Variants in LIPN observed in about 807,000 individuals in gnomAD.
LIPN encodes the protein lipase member N.
Under a neutral mutation model 43.7 loss-of-function variants are expected in LIPN, and 32 were observed. That is an observed-to-expected ratio of 0.73 (90% CI 0.55 to 0.98). The LOEUF (loss-of-function observed/expected upper bound fraction) is 0.98. Among genes scored for constraint, LIPN ranks in the 50% least tolerant of loss-of-function variants. LIPN has a pLI of 0.00. For synonymous variants in LIPN, 156 were observed against 157.6 expected (o/e 0.99, Z 0.08); for missense variants, 505 against 483.8 (o/e 1.04, Z -0.41).
chr10:88,758,612 C>G (rs2604963), upstream of LIPN, among the ~76,000 whole-genome samples: 1 of 148,670 alleles, frequency 6.7e-6, no homozygotes, highest in African/African-American at 2.5e-5. Flanking sequence ...ATATATAATA[C>G]TCAGTAATAT....
intron 7 of LIPN, among the ~76,000 whole-genome samples, chr10:88,771,587 A>G (rs1843210387): frequency 6.6e-6 from 1 of 151,832 alleles, no homozygotes; most frequent in South Asian, 2.1e-4. Context: ...ATTGCAAATG[A>G]CATGATTTCA....
chr10:88,771,526 T>G (rs1423545193), intron 7 of LIPN, among the ~76,000 whole-genome samples: 1 of 151,912 alleles, frequency 6.6e-6, no homozygotes, highest in Admixed American at 6.6e-5. Flanking sequence ...TTTGTCTTTT[T>G]GTGCCTGGCT....
At chr10:88,769,417 C>G (rs1330536397) in intron 6 of LIPN, 1 of 169,130 alleles carries the variant, frequency 5.9e-6, no homozygotes, top group East Asian at 1.9e-4. Flanking sequence ...TGTATTACAG[C>G]TCAAGTATTA....
chr10:88,775,158 A>C lies in LIPN; in HGVS notation c.958A>C (p.Asn320His). Residue 320 changes from asparagine to histidine, a missense_variant, in exon 9 of 10, where the codon AAT becomes CAT. By Grantham distance (68) the Asn-to-His change is moderately conservative. Coordinates refer to ENST00000404459, the MANE Select transcript of LIPN (RefSeq NM_001102469.2). ...TGACGCTGATAATATGAAACATTAC[A>C]ATCAGGTGAGCTATTTACAGTAACC... The part of the protein sequence containing the change: ...GNDADNMKHY[N>H]QSHPPIYDLT... The C allele has an allele frequency of 1.3e-6, 2 of 1,540,412 alleles. No individual in the cohort carries two copies. Among genetic ancestry groups the C allele is most frequent in the Non-Finnish European group, 1.8e-6 (2 of 1,138,600 alleles).
intron 6 of LIPN, 69 bp downstream of exon 6, chr10:88,768,997 T>A (rs1843160038): frequency 1.4e-6 from 2 of 1,442,616 alleles, no homozygotes; most frequent in African/African-American, 2.9e-5. Flanking sequence ...TATTTTCAAA[T>A]CTACTGTAAA....
At chr10:88,761,718 GCTATCTATCTATCTATCTAT>G (rs71022539) in intron 2 of LIPN, among the ~76,000 whole-genome samples, 27 of 145,874 alleles carry the variant, frequency 1.9e-4, no homozygotes, top group Non-Finnish European at 3.3e-4. Flanking sequence ...GTGCTATTGT[GCTATCTATCTATCTATCTAT>G]CTATCTATCT....
intron 3 of LIPN, 130 bp downstream of exon 3, chr10:88,762,435 G>A (rs1216578464): frequency 2.0e-5 from 13 of 636,240 alleles, no homozygotes; most frequent in Non-Finnish European, 3.7e-5. Flanking sequence ...TCTTTAAATA[G>A]TTATCAGGGA....
At position 88,778,890 on chromosome 10, in the gene LIPN, C is replaced by T. The variant is rs939827679; in HGVS notation, c.*648C>T. ...CTTATTAAAGCAGAAATAAATTGTA[C>T]AGCATCAATATCATTTTATAATCAT... On this transcript the variant is annotated 3_prime_UTR_variant, in exon 10 of 10. Coordinates refer to ENST00000404459, the MANE Select transcript of LIPN (RefSeq NM_001102469.2). Among the ~76,000 whole-genome samples, 1 of 152,118 alleles carries T rather than the reference C, an allele frequency of 6.6e-6. No individual in the cohort carries two copies.
chr10:88,777,716 T>C (rs1481423557), intron 9 of LIPN, among the ~76,000 whole-genome samples: 1 of 151,382 alleles, frequency 6.6e-6, no homozygotes, highest in Non-Finnish European at 1.5e-5. Context: ...TCAAGAGTCA[T>C]TTCACAGGAC....
At position 88,762,211 on chromosome 10, in the gene LIPN, C is replaced by T; in HGVS notation, c.132C>T (p.Gly44=). Reference sequence around the variant, plus strand: ...AGAGTGAAATCATCATCTACAATGGCTACCCCAGTGAAGAGTATGAAGTCA... The same window carrying T: ...AGAGTGAAATCATCATCTACAATGGTTACCCCAGTGAAGAGTATGAAGTCA... ...MNTSEIIIYN[G]YPSEEYEVTT... is the part of the protein sequence containing the mutation. Residue 44 remains glycine (G), a synonymous_variant, in exon 3 of 10, where the codon GGC becomes GGT. Coordinates refer to ENST00000404459, the MANE Select transcript of LIPN (RefSeq NM_001102469.2). The T allele has an allele frequency of 1.2e-6, 2 of 1,601,502 alleles. No homozygotes were observed. The highest frequency in any genetic ancestry group is 1.7e-5 in the Admixed American group (1 of 59,268).
intron 9 of LIPN, among the ~76,000 whole-genome samples, chr10:88,776,808 A>G (rs375445399): frequency 2.6e-5 from 4 of 152,086 alleles, no homozygotes; most frequent in African/African-American, 4.8e-5. Flanking sequence ...AAATGTCTCT[A>G]TCTTCTTGAT....
In LIPN at chr10:88,774,543, A is replaced by G; in HGVS notation, c.890A>G (p.Gln297Arg). Residue 297 changes from glutamine to arginine, a missense_variant and splice_region_variant, in exon 8 of 10, where the codon CAG becomes CGG. Coordinates refer to ENST00000404459, the MANE Select transcript of LIPN (RefSeq NM_001102469.2). ...SSVHNILHIKQLYHSDEFRAY... is the reference protein window; with the variant it reads ...SSVHNILHIKRLYHSDEFRAY... ...GTACACAACATTCTGCATATAAAAC[A>G]GGTAGAGTCTTAGTCATGGAAAACC... is the stretch of plus-strand genomic sequence containing the variant. 1 of 1,607,738 alleles carries G rather than the reference A, an allele frequency of 6.2e-7. No homozygotes were observed. Among genetic ancestry groups the G allele is most frequent in the Non-Finnish European group, 8.5e-7 (1 of 1,174,888 alleles).
Position 88,770,824 on chromosome 10 carries a change from AATT to A in LIPN, c.673-14_673-12del. ...CAAATATTTTATCTCATTCAAAGAT[AATT>A]ATTATTTACTTTCATAGGCTGTTTT... is the stretch of plus-strand genomic sequence containing the variant. On this transcript the variant is annotated intron_variant, in intron 6 of 9. Transcript: ENST00000404459. 7.3e-7 allele frequency: 1 copy of A among 1,377,650 alleles called. No individual in the cohort carries two copies. Among genetic ancestry groups the A allele is most frequent in the Non-Finnish European group, 1.0e-6 (1 of 1,003,730 alleles). The allele number at this position is 1,377,650 out of a possible 1,614,324, so 85.3% of individuals were successfully genotyped here.
In LIPN at chr10:88,761,493, C is replaced by T; in HGVS notation, c.88C>T (p.Pro30Ser). Residue 30 changes from proline (P) to serine (S), a missense_variant, in exon 2 of 10, where the codon CCT becomes TCT. Transcript: ENST00000404459. The stretch of plus-strand genomic sequence containing the variant: ...CCTTGATTTGGAAAATGAAGTGAAT[C>T]CTGAGGTGTGGATGAATACTGTAAG... ...GFLDLENEVN[P>S]EVWMNTSEII... is the part of the protein sequence containing the mutation. The T allele has an allele frequency of 6.2e-7, 1 of 1,610,712 alleles. No individual in the cohort carries two copies. The highest frequency in any genetic ancestry group is 8.5e-7 in the Non-Finnish European group (1 of 1,177,672).
At chr10:88,768,750 GTATT>G (rs755396178) in intron 5 of LIPN, 38 bp from the exon 6 acceptor site, 213 of 1,584,670 alleles carry the variant, frequency 1.3e-4, no homozygotes, top group Non-Finnish European at 1.7e-4. Flanking sequence ...CACTGCGTAA[GTATT>G]TATTTTTACA....
intron 6 of LIPN, 26 bp from the exon 7 acceptor site, chr10:88,770,819 A>G: frequency 7.4e-7 from 1 of 1,354,646 alleles, no homozygotes; most frequent in Non-Finnish European, 1.0e-6. Flanking sequence ...ATCTCATTCA[A>G]AGATAATTAT....
At chr10:88,776,764 C>A (rs1843302716) in intron 9 of LIPN, among the ~76,000 whole-genome samples, 1 of 152,054 alleles carries the variant, frequency 6.6e-6, no homozygotes. Context: ...CTATGTGTTG[C>A]ATTAATGAAA....
At chr10:88,775,361 T>A (rs541333447) in intron 9 of LIPN, among the ~76,000 whole-genome samples, 198 bp downstream of exon 9, 1 of 151,848 alleles carries the variant, frequency 6.6e-6, no homozygotes, top group Non-Finnish European at 1.5e-5. Context: ...GAAACTTACA[T>A]CATGTGTAAT....
chr10:88,774,623 G>T, intron 8 of LIPN, 79 bp downstream of exon 8: 1 of 1,174,052 alleles, frequency 8.5e-7, no homozygotes. Context: ...CCTGTTAACA[G>T]GCCTACCCTA....
Sources: gnomAD v4.1 joint callset for allele counts (sites outside exome capture counted in the v4.1 genomes callset) on GRCh38, gnomAD v4.1.1 for gene constraint, MANE v1.5 for transcripts, NCBI Gene and HGNC (gene_info 2026-07-23, HGNC 2026-07-21) for gene names.